Variants in SOX5 observed in about 807,000 individuals in gnomAD.
SOX5 encodes the protein SRY-box transcription factor 5, also known as transcription factor SOX-5.
A neutral mutation model predicts 92.0 loss-of-function variants in SOX5; 9 were observed. That is an observed-to-expected ratio of 0.10 (90% CI 0.06 to 0.17). The LOEUF (loss-of-function observed/expected upper bound fraction) is 0.17, where lower values mean the gene tolerates loss of function less well. Ranked by LOEUF, SOX5 falls within the 10% of genes least tolerant of loss-of-function variation. The pLI is 1.00. For synonymous variants in SOX5, 344 were observed against 336.3 expected (o/e 1.02, Z -0.25); for missense variants, 642 against 944.5 (o/e 0.68, Z 4.20).
intron 3 of SOX5, among the ~76,000 whole-genome samples, chr12:23,784,232 C>T (rs1232302284): frequency 1.3e-5 from 2 of 152,124 alleles, no homozygotes; most frequent in Non-Finnish European, 2.9e-5. Context: ...TCATAGGCTT[C>T]TCCTTAGCAA....
In SOX5 at chr12:23,723,581, T is replaced by TATATATAC. The variant is rs1491240128; in HGVS notation, c.810+11102_810+11103insGTATATAT. On this transcript the variant is annotated intron_variant, in intron 6 of 14. Transcript: ENST00000451604. ...AGGAGAAAAATTATATATATATATATACACACACACACACACACGCACTCA... is the reference window on the plus strand; with the variant it reads ...AGGAGAAAAATTATATATATATATATATATATACACACACACACACACACACGCACTCA... Among the ~76,000 whole-genome samples, 106 of 131,832 alleles carry TATATATAC rather than the reference T, an allele frequency of 8.0e-4. 1 individual carries two copies. The highest frequency in any genetic ancestry group is 4.3e-3 in the Middle Eastern group (1 of 234). The allele number at this position is 131,832 out of a possible 152,430, so 86.5% of individuals were successfully genotyped here. A position where few individuals can be genotyped will look rare whatever the true frequency, so the allele number is the denominator to read the frequency against.
intron 7 of SOX5, among the ~76,000 whole-genome samples, chr12:23,651,343 C>A (rs896359377): frequency 6.6e-6 from 1 of 151,942 alleles, no homozygotes; most frequent in Non-Finnish European, 1.5e-5. Flanking sequence ...GATTATCCCA[C>A]GGTTAATCAT....
At chr12:24,101,452 T>C (rs1208866182) in intron 4 of SOX5, among the ~76,000 whole-genome samples, 2 of 152,144 alleles carry the variant, frequency 1.3e-5, no homozygotes, top group East Asian at 3.9e-4. Context: ...CGTTTCAATC[T>C]ACAATTACCT....
At chr12:23,617,647 C>A (rs189850189) in intron 8 of SOX5, among the ~76,000 whole-genome samples, 209 of 152,244 alleles carry the variant, frequency 1.4e-3, no homozygotes, top group Non-Finnish European at 2.2e-3. Context: ...AATCTTAAGA[C>A]CTTTTTCACA....
intron 1 of SOX5, among the ~76,000 whole-genome samples, chr12:23,940,118 A>C (rs1251395170): frequency 1.3e-5 from 2 of 151,126 alleles, no homozygotes; most frequent in African/African-American, 4.8e-5. Context: ...TATGCTTTTC[A>C]TATTTCCCCA....
intron 3 of SOX5, among the ~76,000 whole-genome samples, chr12:24,214,997 G>GA (rs965503448): frequency 6.6e-6 from 1 of 151,910 alleles, no homozygotes. Context: ...TTAATAAAGG[G>GA]AAAAATCATA....
intron 4 of SOX5, among the ~76,000 whole-genome samples, chr12:24,056,228 T>C (rs557130031): frequency 2.6e-5 from 4 of 152,194 alleles, no homozygotes; most frequent in Admixed American, 1.3e-4. Context: ...TTCCCCACCT[T>C]TGAAAAGTCC....
chr12:23,880,061 G>C (rs1187172848), intron 2 of SOX5, among the ~76,000 whole-genome samples: 10 of 152,164 alleles, frequency 6.6e-5, no homozygotes, highest in Admixed American at 1.3e-4. Flanking sequence ...ATGCACCACA[G>C]CAGTACCCTA....
intron 4 of SOX5, among the ~76,000 whole-genome samples, chr12:23,968,434 C>G (rs1947838852): frequency 6.6e-6 from 1 of 152,150 alleles, no homozygotes; most frequent in Non-Finnish European, 1.5e-5. Flanking sequence ...GAAGTGGGGC[C>G]TAATGGGAGG....
At chr12:24,034,078 T>G (rs769308099) in intron 4 of SOX5, among the ~76,000 whole-genome samples, 1 of 152,032 alleles carries the variant, frequency 6.6e-6, no homozygotes, top group Non-Finnish European at 1.5e-5. Context: ...GAAACATAAC[T>G]GTTTTGATAA....
In SOX5 at chr12:23,741,038, C is replaced by G; in HGVS notation, c.570G>C (p.Gly190=). Reference sequence around the variant, plus strand: ...CTTTCTCAGCTAAGCTCTCGGGAGTCCCTACAAATCATATAGCAATAAAAC... The same window carrying G: ...CTTTCTCAGCTAAGCTCTCGGGAGTGCCTACAAATCATATAGCAATAAAAC... ...MGSGNFGEIK[G]TPESLAEKER... The change falls in exon 5 of 15, where the codon GGG becomes GGC. Residue 190 remains glycine (G), a splice_region_variant and synonymous_variant. Coordinates refer to ENST00000451604, the MANE Select transcript of SOX5 (RefSeq NM_006940.6). The G allele has an allele frequency of 6.4e-7, 1 of 1,572,780 alleles. No individual in the cohort carries two copies. The highest frequency in any genetic ancestry group is 8.6e-7 in the Non-Finnish European group (1 of 1,156,984).
chr12:24,270,775 A>G (rs1939796698), intron 3 of SOX5, among the ~76,000 whole-genome samples: 2 of 152,148 alleles, frequency 1.3e-5, no homozygotes, highest in African/African-American at 4.8e-5. Context: ...AAATGATATA[A>G]TTTAGTTGGC....
At position 24,331,667 on chromosome 12, in the gene SOX5, A is replaced by G. The variant is rs192778600; in HGVS notation, c.-174+36896T>C. Among the ~76,000 whole-genome samples the G allele has an allele frequency of 1.6e-4, 24 of 151,774 alleles. 1 individual carries two copies. Among genetic ancestry groups the G allele is most frequent in the East Asian group, 3.9e-4 (2 of 5,144 alleles). On this transcript the variant is annotated intron_variant, in intron 2 of 4. Coordinates refer to the SOX5 transcript ENST00000446891. Reference sequence around the variant, plus strand: ...AATCGAGACCATCCTGGCCAACATCATGAAACCCCACCTCTACTAAAAATA... The same window carrying G: ...AATCGAGACCATCCTGGCCAACATCGTGAAACCCCACCTCTACTAAAAATA...
chr12:23,634,588 G>C (rs973766557), intron 8 of SOX5, among the ~76,000 whole-genome samples: 4 of 152,132 alleles, frequency 2.6e-5, no homozygotes, highest in African/African-American at 9.7e-5. Context: ...GTGATGTGGA[G>C]CAAAACAGTT....
At chr12:23,967,030 T>C (rs1947664628) in intron 4 of SOX5, among the ~76,000 whole-genome samples, 1 of 152,142 alleles carries the variant, frequency 6.6e-6, no homozygotes, top group African/African-American at 2.4e-5. Flanking sequence ...CATAGTCAAT[T>C]ATTTTCAGAT....
In SOX5 at chr12:23,899,829, C is replaced by T. The variant is rs117023098; in HGVS notation, c.39-3805G>A. ...TAATGGGAATAAAAAACCTATTTCT[C>T]GGCCTCTGGTTAAAGAAGCTTATGA... is the stretch of plus-strand genomic sequence containing the variant. On this transcript the variant is annotated intron_variant, in intron 1 of 14. Transcript: ENST00000451604. Among the ~76,000 whole-genome samples the T allele has an allele frequency of 4.6e-5, 7 of 152,268 alleles. No homozygotes were observed. In the East Asian group the frequency reaches 9.6e-4, roughly 21 times the overall value.
intron 2 of SOX5, among the ~76,000 whole-genome samples, chr12:23,880,832 C>T (rs2096980744): frequency 6.6e-6 from 1 of 152,164 alleles, no homozygotes; most frequent in South Asian, 2.1e-4. Flanking sequence ...AATAGACTAA[C>T]TGTAGAATAA....
At chr12:24,504,172 C>A (rs1448288969) in intron 1 of SOX5, among the ~76,000 whole-genome samples, 3 of 152,170 alleles carry the variant, frequency 2.0e-5, no homozygotes, top group African/African-American at 7.2e-5. Context: ...TTCTACAGAG[C>A]TCTTCCAATC....
At chr12:23,845,483 C>T (rs1201784226) in intron 3 of SOX5, among the ~76,000 whole-genome samples, 1 of 151,976 alleles carries the variant, frequency 6.6e-6, no homozygotes, top group Non-Finnish European at 1.5e-5. Context: ...GGAAGTTGAA[C>T]AAATAGGAAC....
Sources: gnomAD v4.1 joint callset for allele counts (sites outside exome capture counted in the v4.1 genomes callset) on GRCh38, gnomAD v4.1.1 for gene constraint, MANE v1.5 for transcripts, NCBI Gene and HGNC (gene_info 2026-07-23, HGNC 2026-07-21) for gene names.